Variants in RNPS1 observed in about 807,000 individuals in gnomAD.
RNPS1 encodes the protein RNA-binding protein with serine-rich domain 1.
For synonymous variants in RNPS1, 147 were observed against 150.0 expected, an observed-to-expected ratio of 0.98 and a Z score of 0.15; for missense variants, 300 against 427.6, an observed-to-expected ratio of 0.70 and a Z score of 2.63.
At chr16:2,262,545 G>A (rs2141573718) in intron 5 of RNPS1, 114 bp from the exon 6 acceptor site, 2 of 1,141,704 alleles carry the variant, frequency 1.8e-6, no homozygotes, top group Middle Eastern at 2.1e-4. Context: ...TCCATCTGAT[G>A]AGTACCAGTG....
At chr16:2,257,841 TG>T (rs1357093002) in intron 6 of RNPS1, 1 of 152,210 alleles carries the variant, frequency 6.6e-6, no homozygotes, top group African/African-American at 2.4e-5. Flanking sequence ...TTATACAGTT[TG>T]TAACAGGGCC....
rs2093561893 is a variant in RNPS1 at position 2,253,650 on chromosome 16, G to A, written c.*314C>T. 4 of 499,336 alleles carry A rather than the reference G, an allele frequency of 8.0e-6. No homozygotes were observed. The highest frequency in any genetic ancestry group is 7.0e-5 in the Admixed American group (2 of 28,618). 30.9% of individuals were successfully genotyped at this position (499,336 alleles called of 1,614,324 possible). On this transcript the variant is annotated 3_prime_UTR_variant, in exon 8 of 8. Transcript: ENST00000320225. ...CGGGGAAGGGAAAAGTGTGCTCCCAGGTAAGCAGGGTCAAACCACCCCCAA... is the reference window on the plus strand; with the variant it reads ...CGGGGAAGGGAAAAGTGTGCTCCCAAGTAAGCAGGGTCAAACCACCCCCAA...
intron 1 of RNPS1, 121 bp downstream of exon 1, chr16:2,267,934 G>T: frequency 2.6e-6 from 4 of 1,528,244 alleles, no homozygotes; most frequent in South Asian, 2.4e-5. Context: ...AGCCCGCACC[G>T]CGCTGCCAGG....
In RNPS1 at chr16:2,254,034, A is replaced by C; in HGVS notation, c.848T>G (p.Val283Gly). 1 of 1,506,350 alleles carries C rather than the reference A, an allele frequency of 6.6e-7. No homozygotes were observed. Among genetic ancestry groups the C allele is most frequent in the Non-Finnish European group, 8.9e-7 (1 of 1,124,454 alleles). 93.3% of individuals were successfully genotyped at this position (1,506,350 alleles called of 1,614,324 possible). ...RSRSPRRRSP[V>G]RRRSRSPGRR... ...GCCCGGGGACCGTGATCTCCGGCGCACGGGGGACCTGCGCCTCGGGGAGCG... is the reference window on the plus strand; with the variant it reads ...GCCCGGGGACCGTGATCTCCGGCGCCCGGGGGACCTGCGCCTCGGGGAGCG... Residue 283 changes from valine (V) to glycine (G), a missense_variant, in exon 8 of 8, where the codon GTG becomes GGG. Val to Gly is a moderately radical substitution (Grantham distance 109). Transcript: ENST00000320225.
At chr16:2,263,912 T>G (rs2093613927) in intron 3 of RNPS1, 2 of 359,640 alleles carry the variant, frequency 5.6e-6, no homozygotes, top group Non-Finnish European at 1.0e-5. Context: ...TTTTTTTTTG[T>G]AGAGACGAGC....
intron 6 of RNPS1, among the ~76,000 whole-genome samples, chr16:2,259,225 C>T (rs1414852229): frequency 2.0e-5 from 3 of 151,664 alleles, no homozygotes; most frequent in African/African-American, 7.3e-5. Context: ...GGAAGCACTA[C>T]CAAATATAAA....
At position 2,264,679 on chromosome 16, in the gene RNPS1, G is replaced by A. The variant is rs1231753999; in HGVS notation, c.-36C>T. On this transcript the variant is annotated 5_prime_UTR_variant, in exon 2 of 8. Coordinates refer to ENST00000320225, the MANE Select transcript of RNPS1 (RefSeq NM_080594.4). ...TGAGGTGTTCAAAGCAGCAATGGCGGCCTCACTTATCTGAACTCTCACTTC... is the reference window on the plus strand; with the variant it reads ...TGAGGTGTTCAAAGCAGCAATGGCGACCTCACTTATCTGAACTCTCACTTC... The A allele has an allele frequency of 3.1e-6, 5 of 1,606,514 alleles. No individual in the cohort carries two copies. Among genetic ancestry groups the A allele is most frequent in the Non-Finnish European group, 4.2e-6 (5 of 1,179,066 alleles).
intron 1 of RNPS1, chr16:2,267,043 G>T: frequency 2.5e-6 from 1 of 401,348 alleles, no homozygotes; most frequent in Non-Finnish European, 3.3e-6. Context: ...AGATCTGCCC[G>T]AATGTACTTG....
intron 6 of RNPS1, chr16:2,258,596 G>A (rs979688251): frequency 6.6e-6 from 1 of 152,064 alleles, no homozygotes; most frequent in African/African-American, 2.4e-5. Context: ...GTGGTGGCGG[G>A]AGCCTGTAAT....
intron 3 of RNPS1, chr16:2,263,973 T>A: frequency 2.0e-6 from 1 of 512,562 alleles, no homozygotes; most frequent in Non-Finnish European, 3.4e-6. Context: ...CAAGCAATCC[T>A]CCTGCCTCGG....
chr16:2,264,531 G>C, intron 2 of RNPS1, 42 bp downstream of exon 2: 1 of 1,593,864 alleles, frequency 6.3e-7, no homozygotes, highest in Non-Finnish European at 8.6e-7. Flanking sequence ...CTAGCAGTAA[G>C]CACCCCCAAG....
At chr16:2,263,329 C>A in intron 3 of RNPS1, 42 bp from the exon 4 acceptor site, 1 of 1,602,150 alleles carries the variant, frequency 6.2e-7, no homozygotes, top group Non-Finnish European at 8.5e-7. Flanking sequence ...CACACCAAGT[C>A]TCACAGTACA....
chr16:2,257,737 G>A (rs992523607), intron 6 of RNPS1: 9 of 152,186 alleles, frequency 5.9e-5, no homozygotes, highest in Admixed American at 5.2e-4. Context: ...ACCCATTTCA[G>A]GACTTAAGAA....
At chr16:2,260,795 T>C (rs1363215572) in intron 6 of RNPS1, among the ~76,000 whole-genome samples, 1 of 152,222 alleles carries the variant, frequency 6.6e-6, no homozygotes, top group Non-Finnish European at 1.5e-5. Context: ...TTTTAATAAA[T>C]ACCAGTCCTA....
chr16:2,256,534 G>A (rs942230963), intron 6 of RNPS1: 1 of 152,272 alleles, frequency 6.6e-6, no homozygotes, highest in Admixed American at 6.5e-5. Context: ...CTCTAGCCTG[G>A]GCAACAACTG....
intron 1 of RNPS1, chr16:2,266,129 G>C (rs529745966): frequency 1.0e-6 from 1 of 985,330 alleles, no homozygotes; most frequent in South Asian, 4.7e-5. Context: ...GAGCCAGTTG[G>C]TAAGGAGGAC....
chr16:2,255,793 G>A (rs2093575509), intron 6 of RNPS1, 67 bp from the exon 7 acceptor site: 3 of 1,511,370 alleles, frequency 2.0e-6, no homozygotes, highest in Non-Finnish European at 1.8e-6. Flanking sequence ...GCATGCCACA[G>A]TGAAAGACAG....
At chr16:2,262,923 G>T in intron 4 of RNPS1, 81 bp from the exon 5 acceptor site, 1 of 1,351,338 alleles carries the variant, frequency 7.4e-7, no homozygotes, top group Non-Finnish European at 1.0e-6. Context: ...GCTCTTATCT[G>T]CTTGTGTGAC....
chr16:2,255,930 A>G, intron 6 of RNPS1: 1 of 578,354 alleles, frequency 1.7e-6, no homozygotes, highest in South Asian at 2.0e-5. Context: ...GATCGAGACC[A>G]TCCTGGCTAA....
Sources: allele counts gnomAD v4.1 joint callset (sites outside exome capture counted in the v4.1 genomes callset), GRCh38; gene constraint gnomAD v4.1.1; transcripts MANE v1.5; gene names NCBI Gene and HGNC (gene_info 2026-07-23, HGNC 2026-07-21).